Variants in SOHLH2 observed in about 807,000 individuals in gnomAD.
SOHLH2 encodes spermatogenesis and oogenesis specific basic helix-loop-helix 2, also known as spermatogenesis- and oogenesis-specific basic helix-loop-helix-containing protein 2.
SOHLH2 carries 22 observed loss-of-function variants against 50.4 expected under a neutral mutation model. That is an observed-to-expected ratio of 0.44 (90% CI 0.31 to 0.62). The LOEUF (loss-of-function observed/expected upper bound fraction) is 0.62. Ranked by LOEUF, SOHLH2 falls within the 20% of genes least tolerant of loss-of-function variation. The pLI is 0.08. For missense variants in SOHLH2, 412 were observed against 504.4 expected (o/e 0.82, Z 1.76); for synonymous variants, 185 against 187.3 (o/e 0.99, Z 0.10).
At chr13:36,170,355 G>A (rs1299684104) in intron 10 of SOHLH2, among the ~76,000 whole-genome samples, 176 bp downstream of exon 10, 1 of 152,130 alleles carries the variant, frequency 6.6e-6, no homozygotes, top group Non-Finnish European at 1.5e-5. Flanking sequence ...GCAGCATGAG[G>A]AGCGAGAGCA....
intron 4 of SOHLH2, among the ~76,000 whole-genome samples, chr13:36,192,813 A>G (rs1301603156): frequency 6.6e-6 from 1 of 152,084 alleles, no homozygotes. Context: ...CTCTCAGCAA[A>G]TTTCAAGTAG....
intron 10 of SOHLH2, among the ~76,000 whole-genome samples, chr13:36,170,305 A>G (rs1434736597): frequency 6.6e-6 from 1 of 152,172 alleles, no homozygotes; most frequent in Non-Finnish European, 1.5e-5. Context: ...GCACAGTCCC[A>G]TTCAGCTTCA....
chr13:36,195,695 C>T (rs1887704289), intron 2 of SOHLH2, among the ~76,000 whole-genome samples: 1 of 152,124 alleles, frequency 6.6e-6, no homozygotes, highest in Non-Finnish European at 1.5e-5. Flanking sequence ...CGGGCATACC[C>T]GTGAACCTTT....
intron 6 of SOHLH2, among the ~76,000 whole-genome samples, chr13:36,175,103 T>C (rs1377389436): frequency 6.6e-6 from 1 of 152,202 alleles, no homozygotes; most frequent in Non-Finnish European, 1.5e-5. Context: ...ACTGCCCAAG[T>C]GCACTGTGTG....
At chr13:36,181,557 T>G (rs1887257307) in intron 6 of SOHLH2, among the ~76,000 whole-genome samples, 1 of 152,202 alleles carries the variant, frequency 6.6e-6, no homozygotes, top group South Asian at 2.1e-4. Context: ...GAGTTAATAC[T>G]TTATGACATC....
chr13:36,212,260 T>C (rs1445584803), intron 1 of SOHLH2, among the ~76,000 whole-genome samples: 1 of 152,160 alleles, frequency 6.6e-6, no homozygotes, highest in Non-Finnish European at 1.5e-5. Context: ...GGGTATGACA[T>C]AAAGCAGCTC....
At chr13:36,209,402 T>C (rs1310801383) in intron 1 of SOHLH2, among the ~76,000 whole-genome samples, 2 of 152,204 alleles carry the variant, frequency 1.3e-5, no homozygotes, top group African/African-American at 2.4e-5. Context: ...CTGAGTGGCT[T>C]ATAAACAACA....
chr13:36,214,368 C>G, intron 1 of SOHLH2, 111 bp downstream of exon 1: 1 of 1,331,804 alleles, frequency 7.5e-7, no homozygotes, highest in South Asian at 1.4e-5. Context: ...CCCACAGTTC[C>G]CCGACAATGA....
At position 36,190,030 on chromosome 13, in the gene SOHLH2, C is replaced by A. The variant is rs775311549; in HGVS notation, c.557G>T (p.Gly186Val). The change falls in exon 6 of 11, where the codon GGG becomes GTG. Residue 186 changes from glycine (G) to valine (V), a missense_variant. Transcript: ENST00000379881. ...TGACAACGAAGCATTTAATTCAAGC[C>A]CATTGCCATTCCTTAAAGATTCAGA... ...ACSESLRNGN[G>V]LELNASLSEF... 2 of 1,606,212 alleles carry A rather than the reference C, an allele frequency of 1.2e-6. No individual in the cohort carries two copies. The highest frequency in any genetic ancestry group is 4.5e-5 in the East Asian group (2 of 44,682).
chr13:36,192,277 A>C (rs1887596354), intron 4 of SOHLH2, among the ~76,000 whole-genome samples: 1 of 152,170 alleles, frequency 6.6e-6, no homozygotes, highest in African/African-American at 2.4e-5. Context: ...GCATCTGAAA[A>C]AAATTTTTTC....
At chr13:36,211,574 T>C (rs1475795401) in intron 1 of SOHLH2, among the ~76,000 whole-genome samples, 4 of 152,240 alleles carry the variant, frequency 2.6e-5, no homozygotes, top group African/African-American at 9.6e-5. Flanking sequence ...AAGGGTGTTA[T>C]CTTTTTTCAA....
intron 1 of SOHLH2, among the ~76,000 whole-genome samples, chr13:36,209,198 A>AT (rs527398921): frequency 1.1e-4 from 16 of 152,092 alleles, no homozygotes; most frequent in South Asian, 4.1e-4. Context: ...CCTTCTAAGT[A>AT]TTTTTTTATA....
intron 2 of SOHLH2, among the ~76,000 whole-genome samples, chr13:36,194,502 G>T (rs971570867): frequency 4.6e-5 from 7 of 152,194 alleles, no homozygotes; most frequent in Admixed American, 2.6e-4. Context: ...GTGGGCAGGG[G>T]TGGGAAGGTA....
intron 5 of SOHLH2, 76 bp from the exon 6 acceptor site, chr13:36,190,132 C>T (rs1887533726): frequency 2.2e-6 from 3 of 1,343,566 alleles, no homozygotes; most frequent in African/African-American, 1.5e-5. Flanking sequence ...CGCACCAATA[C>T]ACTAAACAAA....
At chr13:36,207,215 A>C (rs1868831199) in intron 1 of SOHLH2, among the ~76,000 whole-genome samples, 1 of 152,090 alleles carries the variant, frequency 6.6e-6, no homozygotes, top group South Asian at 2.1e-4. Context: ...AATGTAATGA[A>C]TTAGCTAATA....
At chr13:36,213,082 G>A (rs112067633) in intron 1 of SOHLH2, among the ~76,000 whole-genome samples, 1 of 152,198 alleles carries the variant, frequency 6.6e-6, no homozygotes, top group Non-Finnish European at 1.5e-5. Flanking sequence ...GGGCAATTGC[G>A]GGCCTTCAGT....
At chr13:36,201,847 A>G (rs1868440376) in intron 2 of SOHLH2, 32 bp downstream of exon 2, 2 of 1,608,594 alleles carry the variant, frequency 1.2e-6, no homozygotes, top group East Asian at 2.2e-5. Context: ...AAATGATTCT[A>G]AAGATACAGC....
chr13:36,186,575 C>T (rs1278060708), intron 6 of SOHLH2, among the ~76,000 whole-genome samples: 2 of 152,152 alleles, frequency 1.3e-5, no homozygotes, highest in African/African-American at 2.4e-5. Flanking sequence ...CTCAACATTT[C>T]CCTTCTTCTC....
At chr13:36,200,252 G>A (rs941310112) in intron 2 of SOHLH2, among the ~76,000 whole-genome samples, 2 of 152,122 alleles carry the variant, frequency 1.3e-5, no homozygotes, top group African/African-American at 4.8e-5. Flanking sequence ...TTTAAGGCTT[G>A]TAATAAAATA....
Sources: gnomAD v4.1 joint callset for allele counts (sites outside exome capture counted in the v4.1 genomes callset) on GRCh38, gnomAD v4.1.1 for gene constraint, MANE v1.5 for transcripts, NCBI Gene and HGNC (gene_info 2026-07-23, HGNC 2026-07-21) for gene names.